ASB3: variants seen among roughly 807,000 people sequenced by gnomAD.
The protein encoded by ASB3 is ankyrin repeat and SOCS box containing 3, also known as ankyrin repeat and SOCS box protein 3.
Under a neutral mutation model 54.5 loss-of-function variants are expected in ASB3, and 41 were observed. The ratio of observed to expected loss-of-function variants is 0.75; its 90% CI spans 0.59 to 0.98. ASB3 has a LOEUF of 0.98. ASB3 is among the 50% of genes least tolerant of loss of function. The pLI is 0.00. For synonymous variants in ASB3, 266 were observed against 221.2 expected (o/e 1.20, Z -1.80); for missense variants, 733 against 620.0 (o/e 1.18, Z -1.94).
chr2:53,706,628 G>C (rs1669787473), intron 7 of ASB3, among the ~76,000 whole-genome samples: 1 of 151,976 alleles, frequency 6.6e-6, no homozygotes, highest in Non-Finnish European at 1.5e-5. Context: ...TGTATTTTTA[G>C]GAGAGACGGG....
intron 1 of ASB3, among the ~76,000 whole-genome samples, chr2:53,776,479 T>C (rs979651723): frequency 9.9e-5 from 15 of 152,234 alleles, no homozygotes; most frequent in African/African-American, 3.6e-4. Flanking sequence ...TATTAATTTA[T>C]TCAGCTTTTG....
intron 5 of ASB3, among the ~76,000 whole-genome samples, chr2:53,725,988 A>G (rs1011115018): frequency 6.6e-6 from 1 of 152,170 alleles, no homozygotes; most frequent in Non-Finnish European, 1.5e-5. Context: ...ACAAAGAATA[A>G]GGAACCAATT....
At chr2:53,678,130 T>C (rs1668180236) in intron 9 of ASB3, among the ~76,000 whole-genome samples, 1 of 122,368 alleles carries the variant, frequency 8.2e-6, no homozygotes, top group Non-Finnish European at 1.7e-5. Context: ...TCTCATATAG[T>C]TACCTTGCTG....
At chr2:53,764,814 T>A (rs1291585026) in intron 2 of ASB3, among the ~76,000 whole-genome samples, 3 of 152,260 alleles carry the variant, frequency 2.0e-5, no homozygotes, top group Non-Finnish European at 4.4e-5. Context: ...TCTGTTTTAT[T>A]ATCTCTACTT....
chr2:53,760,065 A>G (rs1414562061), intron 2 of ASB3, among the ~76,000 whole-genome samples: 1 of 152,116 alleles, frequency 6.6e-6, no homozygotes, highest in Non-Finnish European at 1.5e-5. Flanking sequence ...CCCAGCCACT[A>G]AGTTGTGACT....
At chr2:53,700,888 G>A (rs1347741467) in intron 7 of ASB3, among the ~76,000 whole-genome samples, 2 of 152,174 alleles carry the variant, frequency 1.3e-5, no homozygotes, top group African/African-American at 4.8e-5. Context: ...TAAACAACGT[G>A]ATCAATCCTT....
chr2:53,698,239 G>T (rs1229948127), intron 8 of ASB3, among the ~76,000 whole-genome samples: 1 of 152,138 alleles, frequency 6.6e-6, no homozygotes, highest in Non-Finnish European at 1.5e-5. Flanking sequence ...AGAGCCCTGG[G>T]CCTGTGATGG....
intron 6 of ASB3, 118 bp from the exon 7 acceptor site, chr2:53,714,699 C>T (rs1670290446): frequency 2.0e-6 from 2 of 1,022,078 alleles, no homozygotes; most frequent in Non-Finnish European, 2.8e-6. Context: ...AGAAATATTT[C>T]TGTCTAGGGT....
chr2:53,723,424 A>G (rs1267960780), intron 5 of ASB3, among the ~76,000 whole-genome samples: 1 of 151,994 alleles, frequency 6.6e-6, no homozygotes, highest in African/African-American at 2.4e-5. Context: ...ATTCTGGTGC[A>G]CTCATCACCC....
chr2:53,728,496 C>T (rs1463376122), intron 5 of ASB3, among the ~76,000 whole-genome samples: 1 of 152,170 alleles, frequency 6.6e-6, no homozygotes, highest in South Asian at 2.1e-4. Context: ...TCATTATGTT[C>T]CTACTCAGAT....
intron 2 of ASB3, among the ~76,000 whole-genome samples, chr2:53,755,893 T>C (rs1672786774): frequency 6.6e-6 from 1 of 152,154 alleles, no homozygotes; most frequent in African/African-American, 2.4e-5. Flanking sequence ...GGCTCATGCC[T>C]GTAATCCCAG....
Position 53,716,569 on chromosome 2 carries a change from G to T in ASB3, c.779C>A (p.Thr260Lys). 6.2e-7 allele frequency: 1 copy of T among 1,611,250 alleles called. No individual in the cohort carries two copies. ...PIHAAAQMGH[T>K]KILDLLIPLT... ...ATTTTCTGTTTTTAACACTTACTTT[G>T]TATGGCCCATTTGTGCAGCTGCATG... Residue 260 changes from threonine (T) to lysine (K), a missense_variant, in exon 6 of 10, where the codon ACA becomes AAA. Physicochemically the swap from Thr to Lys is moderately conservative, Grantham distance 78. Transcript: ENST00000263634.
At chr2:53,707,961 CAAA>C (rs199571236) in intron 7 of ASB3, among the ~76,000 whole-genome samples, 7 of 113,788 alleles carry the variant, frequency 6.2e-5, no homozygotes, top group East Asian at 2.5e-4. Context: ...GACTCTGTCT[CAAA>C]AAAAAAAAAA....
intron 1 of ASB3, among the ~76,000 whole-genome samples, chr2:53,783,510 G>A (rs1164364177): frequency 6.6e-6 from 1 of 151,926 alleles, no homozygotes; most frequent in Non-Finnish European, 1.5e-5. Flanking sequence ...TTCATAGAGT[G>A]CCAAGAAGGA....
chr2:53,723,297 T>G (rs930330190), intron 5 of ASB3, among the ~76,000 whole-genome samples: 1 of 152,148 alleles, frequency 6.6e-6, no homozygotes, highest in Non-Finnish European at 1.5e-5. Context: ...ACACTATTCC[T>G]TTTTTTATTT....
chr2:53,775,688 C>G (rs1320957519), intron 1 of ASB3, among the ~76,000 whole-genome samples: 1 of 152,106 alleles, frequency 6.6e-6, no homozygotes, highest in Non-Finnish European at 1.5e-5. Flanking sequence ...GTTGGCCAAG[C>G]TGGTCTCGAT....
intron 2 of ASB3, among the ~76,000 whole-genome samples, chr2:53,751,340 G>T (rs898194215): frequency 7.2e-5 from 11 of 152,064 alleles, no homozygotes; most frequent in Non-Finnish European, 2.9e-5. Context: ...AAGGGAAATG[G>T]TCTGATCTCT....
At chr2:53,729,602 A>G in intron 3 of ASB3, 32 bp from the exon 4 acceptor site, 1 of 1,597,582 alleles carries the variant, frequency 6.3e-7, no homozygotes, top group Non-Finnish European at 8.6e-7. Flanking sequence ...AATTAATGTC[A>G]GCAAAAAGGC....
chr2:53,764,251 A>G (rs545614890), intron 2 of ASB3, among the ~76,000 whole-genome samples: 1 of 152,338 alleles, frequency 6.6e-6, no homozygotes, highest in South Asian at 2.1e-4. Context: ...GAGTGTTACA[A>G]TGCAGAGTAT....
Sources: allele counts gnomAD v4.1 joint callset (sites outside exome capture counted in the v4.1 genomes callset), GRCh38; gene constraint gnomAD v4.1.1; transcripts MANE v1.5; gene names NCBI Gene and HGNC (gene_info 2026-07-23, HGNC 2026-07-21).